Variants in DTWD2 observed in about 807,000 individuals in gnomAD.
The protein encoded by DTWD2 is DTW motif tRNA-uridine aminocarboxypropyltransferase 2, also known as tRNA-uridine aminocarboxypropyltransferase 2.
DTWD2 carries 39 observed loss-of-function variants against 31.8 expected under a neutral mutation model. The ratio of observed to expected loss-of-function variants is 1.22; its 90% confidence interval spans 0.95 to 1.60. DTWD2 has a LOEUF of 1.60. Among genes scored for constraint, DTWD2 ranks in the 40% most tolerant of loss-of-function variants. The probability of loss-of-function intolerance (pLI) is 0.00; values close to 1 mark genes in which losing one functional copy is unlikely to be tolerated. For synonymous variants in DTWD2, 180 were observed against 142.8 expected (o/e 1.26, Z -1.86); for missense variants, 515 against 381.5 (o/e 1.35, Z -2.92).
chr5:118,956,088 C>A (rs550742984), intron 1 of DTWD2, among the ~76,000 whole-genome samples: 5 of 152,038 alleles, frequency 3.3e-5, no homozygotes, highest in Non-Finnish European at 7.4e-5. Flanking sequence ...AATTTCCTTC[C>A]GAACAAAACT....
intron 1 of DTWD2, among the ~76,000 whole-genome samples, chr5:118,955,184 ATTTAC>A (rs1205908565): frequency 6.6e-6 from 1 of 152,198 alleles, no homozygotes; most frequent in Non-Finnish European, 1.5e-5. Context: ...AACATTTTCT[ATTTAC>A]TTTAAAGCAT....
At chr5:118,892,132 T>C (rs1752988744) in intron 4 of DTWD2, among the ~76,000 whole-genome samples, 1 of 152,140 alleles carries the variant, frequency 6.6e-6, no homozygotes, top group African/African-American at 2.4e-5. Flanking sequence ...ATCTTTGATA[T>C]CCAGTGTGTA....
At chr5:118,944,750 T>G in intron 1 of DTWD2, 101 bp from the exon 2 acceptor site, 1 of 1,059,480 alleles carries the variant, frequency 9.4e-7, no homozygotes, top group Non-Finnish European at 1.3e-6. Context: ...TACAAAGAGG[T>G]TTGCTAAAGC....
chr5:118,906,604 C>G (rs1294011006), intron 4 of DTWD2, among the ~76,000 whole-genome samples: 1 of 152,044 alleles, frequency 6.6e-6, no homozygotes, highest in African/African-American at 2.4e-5. Flanking sequence ...AGTACATAAT[C>G]TATGATTATA....
At chr5:118,895,436 C>T (rs1340079962) in intron 4 of DTWD2, among the ~76,000 whole-genome samples, 1 of 152,100 alleles carries the variant, frequency 6.6e-6, no homozygotes, top group Non-Finnish European at 1.5e-5. Context: ...ACCATACTGC[C>T]CTAAGCAATC....
rs1561453189 is a variant in DTWD2 at position 118,913,825 on chromosome 5, T to G, written c.597+14712A>C. On this transcript the variant is annotated intron_variant, in intron 4 of 5. Transcript: ENST00000510708. ...ATCTTTCAAAGAAAGCTGTATCATA[T>G]GAAAATAATAATGTAATAAACTTGA... Among the ~76,000 whole-genome samples, 5 of 152,212 alleles carry G rather than the reference T, an allele frequency of 3.3e-5. No individual in the cohort carries two copies. The South Asian group carries it at 8.3e-4, about 25-fold the overall frequency.
At chr5:118,888,262 C>T (rs1752909266) in intron 4 of DTWD2, among the ~76,000 whole-genome samples, 1 of 152,170 alleles carries the variant, frequency 6.6e-6, no homozygotes, top group Non-Finnish European at 1.5e-5. Context: ...CTCTTTCCTT[C>T]TTCCTTCATC....
intron 5 of DTWD2, among the ~76,000 whole-genome samples, chr5:118,844,760 C>A (rs1157470621): frequency 1.3e-5 from 2 of 152,176 alleles, no homozygotes; most frequent in African/African-American, 2.4e-5. Context: ...GAGGATGAGA[C>A]AACAGATTAA....
chr5:118,853,470 T>A (rs1470589112), intron 4 of DTWD2, among the ~76,000 whole-genome samples: 1 of 152,122 alleles, frequency 6.6e-6, no homozygotes, highest in Non-Finnish European at 1.5e-5. Context: ...GCAGCCCTAT[T>A]CATAATAGCA....
chr5:118,948,669 G>T (rs1754393442), intron 1 of DTWD2, among the ~76,000 whole-genome samples: 1 of 152,048 alleles, frequency 6.6e-6, no homozygotes, highest in Admixed American at 6.6e-5. Context: ...AGGCTACAGG[G>T]CACGGTCCCG....
intron 1 of DTWD2, among the ~76,000 whole-genome samples, chr5:118,981,154 C>G (rs1755290601): frequency 6.6e-6 from 1 of 151,772 alleles, no homozygotes; most frequent in Admixed American, 6.6e-5. Flanking sequence ...TTCATAGAAA[C>G]AAAAAGTAGA....
chr5:118,899,081 G>A (rs1024917716), intron 4 of DTWD2, among the ~76,000 whole-genome samples: 3 of 152,168 alleles, frequency 2.0e-5, no homozygotes, highest in Admixed American at 6.5e-5. Flanking sequence ...CTCTCATACT[G>A]TAAATATGTG....
intron 1 of DTWD2, among the ~76,000 whole-genome samples, chr5:118,949,485 T>C (rs539701185): frequency 6.6e-6 from 1 of 152,272 alleles, no homozygotes; most frequent in African/African-American, 2.4e-5. Context: ...TGATAAGGCA[T>C]AGATCCTGAA....
intron 4 of DTWD2, among the ~76,000 whole-genome samples, chr5:118,882,087 T>A (rs1208785336): frequency 1.3e-5 from 2 of 152,206 alleles, no homozygotes; most frequent in Non-Finnish European, 2.9e-5. Context: ...AACAAGTTAG[T>A]TACTTCCAAG....
At chr5:118,935,969 C>G (rs1754036627) in intron 3 of DTWD2, among the ~76,000 whole-genome samples, 1 of 151,966 alleles carries the variant, frequency 6.6e-6, no homozygotes, top group African/African-American at 2.4e-5. Flanking sequence ...AGAATATTTA[C>G]CAAAAGACAG....
intron 4 of DTWD2, among the ~76,000 whole-genome samples, chr5:118,917,914 G>C (rs548332150): frequency 6.6e-6 from 1 of 151,630 alleles, no homozygotes; most frequent in Non-Finnish European, 1.5e-5. Flanking sequence ...GTAGTGAGCC[G>C]AGATCGCACC....
chr5:118,882,616 T>G (rs1396060886), intron 4 of DTWD2, among the ~76,000 whole-genome samples: 3 of 152,050 alleles, frequency 2.0e-5, no homozygotes, highest in African/African-American at 7.2e-5. Context: ...TAGGCTCCCA[T>G]AACTCAACTC....
intron 4 of DTWD2, among the ~76,000 whole-genome samples, chr5:118,856,623 C>T (rs149428859): frequency 2.0e-5 from 3 of 152,174 alleles, no homozygotes; most frequent in Admixed American, 6.5e-5. Flanking sequence ...ATAAGAGTTC[C>T]GTCTGTTCCA....
intron 4 of DTWD2, among the ~76,000 whole-genome samples, chr5:118,870,259 C>T (rs1244234250): frequency 2.0e-5 from 3 of 152,178 alleles, no homozygotes; most frequent in East Asian, 3.8e-4. Context: ...TGCATAATGA[C>T]GTTTACTATA....
Sources: gnomAD v4.1 joint callset for allele counts (sites outside exome capture counted in the v4.1 genomes callset) on GRCh38, gnomAD v4.1.1 for gene constraint, MANE v1.5 for transcripts, NCBI Gene and HGNC (gene_info 2026-07-23, HGNC 2026-07-21) for gene names.